The following NCOA1 variants were observed in gnomAD, a reference collection of about 807,000 sequenced individuals.
NCOA1 encodes nuclear receptor coactivator 1.
A neutral mutation model predicts 150.9 loss-of-function variants in NCOA1; 35 were observed. The ratio of observed to expected loss-of-function variants is 0.23; its 90% CI spans 0.18 to 0.31. The LOEUF is 0.31. Ranked by LOEUF, NCOA1 falls within the 10% of genes least tolerant of loss-of-function variation. NCOA1 has a pLI of 1.00. For missense variants in NCOA1, 1,491 were observed against 1,749.3 expected (o/e 0.85, Z 2.63); for synonymous variants, 590 against 630.0 (o/e 0.94, Z 0.95).
At chr2:24,621,151 G>T (rs1393814861) in intron 3 of NCOA1, among the ~76,000 whole-genome samples, 4 of 152,034 alleles carry the variant, frequency 2.6e-5, no homozygotes, top group Admixed American at 1.3e-4. Context: ...TATGTGGGGG[G>T]TGGGGAGGAG....
chr2:24,586,829 C>G (rs547005676), intron 3 of NCOA1, among the ~76,000 whole-genome samples: 4 of 152,144 alleles, frequency 2.6e-5, no homozygotes, highest in African/African-American at 9.7e-5. Flanking sequence ...CAGAGACTTT[C>G]CTTATGCTGT....
intron 20 of NCOA1, among the ~76,000 whole-genome samples, chr2:24,755,813 A>G (rs762280432): frequency 6.6e-6 from 1 of 152,252 alleles, no homozygotes; most frequent in East Asian, 1.9e-4. Context: ...TTCAATAAGT[A>G]TGACATCATT....
chr2:24,644,884 G>A (rs1670397469), intron 4 of NCOA1, among the ~76,000 whole-genome samples: 1 of 152,150 alleles, frequency 6.6e-6, no homozygotes. Flanking sequence ...TTAAGAAGTA[G>A]AACAATACCA....
At chr2:24,538,932 T>C (rs1015560254) in intron 1 of NCOA1, among the ~76,000 whole-genome samples, 6 of 152,176 alleles carry the variant, frequency 3.9e-5, no homozygotes, top group Non-Finnish European at 8.8e-5. Context: ...GTGAATCTTC[T>C]TTTGACTAGT....
chr2:24,697,697 C>G lies in NCOA1; in HGVS notation c.848C>G (p.Ala283Gly). ...ATTGATACTAGTTCCCTGAGAGCTG[C>G]TGGCAGAACTGGTTGGGAAGATTTA... is the stretch of plus-strand genomic sequence containing the variant. ...ISIDTSSLRA[A>G]GRTGWEDLVR... Residue 283 changes from alanine (A) to glycine (G), a missense_variant, in exon 11 of 23, where the codon GCT (alanine) becomes GGT (glycine). Around this residue, in one of 8 missense-constraint regions of NCOA1, gnomAD observed 25 missense variants for 66.1 expected, o/e 0.38. Coordinates refer to ENST00000348332, the MANE Select transcript of NCOA1 (RefSeq NM_003743.5). The G allele has an allele frequency of 6.2e-7, 1 of 1,613,072 alleles. No individual in the cohort carries two copies. Among genetic ancestry groups the G allele is most frequent in the Non-Finnish European group, 8.5e-7 (1 of 1,179,122 alleles).
intron 3 of NCOA1, among the ~76,000 whole-genome samples, chr2:24,632,578 C>G (rs1669754488): frequency 6.6e-6 from 1 of 152,096 alleles, no homozygotes; most frequent in African/African-American, 2.4e-5. Flanking sequence ...GCTCAGAACC[C>G]CTGGCCCCCT....
At chr2:24,627,506 A>C (rs943093963) in intron 3 of NCOA1, among the ~76,000 whole-genome samples, 11 of 152,232 alleles carry the variant, frequency 7.2e-5, no homozygotes, top group African/African-American at 2.7e-4. Context: ...TAGAACCTGC[A>C]CATAGAAAAA....
intron 6 of NCOA1, among the ~76,000 whole-genome samples, chr2:24,668,275 A>G (rs2148510646): frequency 6.6e-6 from 1 of 152,284 alleles, no homozygotes; most frequent in Admixed American, 6.5e-5. Context: ...TGCAAAAATA[A>G]TGTTCTCAGA....
intron 2 of NCOA1, 147 bp downstream of exon 2, chr2:24,564,577 C>T (rs1010511398): frequency 7.9e-5 from 12 of 152,244 alleles, no homozygotes; most frequent in African/African-American, 2.4e-4. Flanking sequence ...CCTCCTTTCC[C>T]ACTATACTCC....
At chr2:24,716,473 G>T (rs990654585) in intron 14 of NCOA1, among the ~76,000 whole-genome samples, 12 of 152,098 alleles carry the variant, frequency 7.9e-5, no homozygotes, top group African/African-American at 2.9e-4. Context: ...TCAATACATG[G>T]TGATATAACA....
At chr2:24,657,415 A>G (rs1670997483) in intron 4 of NCOA1, among the ~76,000 whole-genome samples, 1 of 152,252 alleles carries the variant, frequency 6.6e-6, no homozygotes, top group Admixed American at 6.5e-5. Flanking sequence ...AATGCCAGTT[A>G]GAAATGAGTA....
rs1451089477 is a variant in NCOA1 at position 24,632,749 on chromosome 2, TA to T, written c.-174-11216del. Among the ~76,000 whole-genome samples, 8 of 152,228 alleles carry T rather than the reference TA, an allele frequency of 5.3e-5. 1 individual carries two copies. Among genetic ancestry groups the T allele is most frequent in the Admixed American group, 5.2e-4 (8 of 15,288 alleles). ...CTCCACTTGGTAAGTTTGTTTCTTA[TA>T]GGGGTATAGGTTAACAGTGTAAACT... is the stretch of plus-strand genomic sequence containing the variant. On this transcript the variant is annotated intron_variant, in intron 3 of 22. Coordinates refer to ENST00000348332, the MANE Select transcript of NCOA1 (RefSeq NM_003743.5).
chr2:24,742,281 T>G (rs1189672798), intron 19 of NCOA1, 95 bp downstream of exon 19: 1 of 1,415,644 alleles, frequency 7.1e-7, no homozygotes, highest in East Asian at 2.3e-5. Context: ...TAAAATAGTG[T>G]GTGGAAGAGG....
chr2:24,642,037 T>TGTGTGTGTGCGC (rs942145000), intron 3 of NCOA1, among the ~76,000 whole-genome samples: 5,338 of 138,394 alleles, frequency 0.039, 141 homozygotes, highest in Middle Eastern at 0.076. Context: ...TGTGTGTGTG[T>TGTGTGTGTGCGC]GCGCGCGTGC....
At chr2:24,599,226 C>T (rs947821985) in intron 3 of NCOA1, among the ~76,000 whole-genome samples, 2 of 152,124 alleles carry the variant, frequency 1.3e-5, no homozygotes, top group Non-Finnish European at 2.9e-5. Flanking sequence ...ACATGTGACT[C>T]AGATATTCTG....
intron 4 of NCOA1, 33 bp from the exon 5 acceptor site, chr2:24,658,628 G>A (rs1671048648): frequency 6.6e-7 from 1 of 1,515,452 alleles, no homozygotes; most frequent in East Asian, 2.3e-5. Context: ...AGGTCATAAG[G>A]GTAGATTTCT....
chr2:24,637,286 C>T (rs948320160), intron 3 of NCOA1, among the ~76,000 whole-genome samples: 4 of 140,686 alleles, frequency 2.8e-5, no homozygotes, highest in East Asian at 2.2e-4. Context: ...CCTGTGTCCA[C>T]GTGTCAGGGA....
chr2:24,503,701 C>T (rs745838034), intron 1 of NCOA1, among the ~76,000 whole-genome samples: 26 of 149,844 alleles, frequency 1.7e-4, no homozygotes, highest in African/African-American at 3.2e-4. Context: ...TCTTCACTCA[C>T]GTGAAATTTT....
chr2:24,593,711 C>T (rs1162821214), intron 3 of NCOA1, among the ~76,000 whole-genome samples: 1 of 152,082 alleles, frequency 6.6e-6, no homozygotes, highest in African/African-American at 2.4e-5. Flanking sequence ...TGCCTGGTGT[C>T]ACAAAAGCAG....
Sources: allele counts gnomAD v4.1 joint callset (sites outside exome capture counted in the v4.1 genomes callset), GRCh38; gene constraint gnomAD v4.1.1; regional missense constraint gnomAD v4.1.1; transcripts MANE v1.5; gene names NCBI Gene and HGNC (gene_info 2026-07-23, HGNC 2026-07-21).